The following DCLRE1C variants were observed in gnomAD, a reference collection of about 807,000 sequenced individuals.
The protein encoded by DCLRE1C is protein artemis.
Under a neutral mutation model 61.4 loss-of-function variants are expected in DCLRE1C, and 47 were observed. The ratio of observed to expected loss-of-function variants is 0.77; its 90% CI spans 0.61 to 0.98. The LOEUF is 0.98. Ranked by LOEUF, DCLRE1C falls within the 50% of genes least tolerant of loss-of-function variation. The probability of loss-of-function intolerance (pLI) is 0.00; values close to 1 mark genes in which losing one functional copy is unlikely to be tolerated. For missense variants in DCLRE1C, 858 were observed against 816.0 expected (o/e 1.05, Z -0.63); for synonymous variants, 337 against 287.6 (o/e 1.17, Z -1.74).
chr10:14,902,683 C>T (rs1221132918), downstream of DCLRE1C: 2 of 509,956 alleles, frequency 3.9e-6, no homozygotes, highest in Non-Finnish European at 7.0e-6. Context: ...AAGGGGGTCA[C>T]TGGGTCTCAT....
At chr10:14,898,695 C>T (rs7907802) in exon 14 of DCLRE1C, 40,063 of 152,086 alleles carry the variant, frequency 0.26, 7,321 homozygotes, top group African/African-American at 0.5. Context: ...TTTCTTAAGC[C>T]GAGCGTGTCA....
exon 14 of DCLRE1C, chr10:14,897,370 G>T: frequency 1.2e-6 from 2 of 1,613,140 alleles, no homozygotes; most frequent in Non-Finnish European, 1.7e-6. Context: ...CAAGGTGTCA[G>T]TGTGGTCCTG....
chr10:14,945,512 T>C (rs1291003554), intron 2 of DCLRE1C: 1 of 1,131,270 alleles, frequency 8.8e-7, no homozygotes, highest in African/African-American at 1.6e-5. Flanking sequence ...CCTCCAACAG[T>C]GGTCCCTCAC....
chr10:14,917,513 A>G (rs1836401896), intron 13 of DCLRE1C, among the ~76,000 whole-genome samples: 1 of 152,026 alleles, frequency 6.6e-6, no homozygotes, highest in African/African-American at 2.4e-5. Context: ...AAAAACTTGT[A>G]TCCAGAAACT....
chr10:14,935,013 G>A (rs562179620), intron 6 of DCLRE1C, among the ~76,000 whole-genome samples: 22 of 151,740 alleles, frequency 1.4e-4, no homozygotes, highest in South Asian at 1.3e-3. Context: ...TAGTAGAGAC[G>A]GGGTTTCACC....
At chr10:14,942,782 C>T (rs146929052) in intron 3 of DCLRE1C, among the ~76,000 whole-genome samples, 7,394 of 152,074 alleles carry the variant, frequency 0.049, 541 homozygotes, top group African/African-American at 0.17. Context: ...GCCTTTTTGT[C>T]AGCTTGCCCA....
intron 5 of DCLRE1C, among the ~76,000 whole-genome samples, chr10:14,935,955 C>T (rs1839835923): frequency 6.6e-6 from 1 of 152,214 alleles, no homozygotes; most frequent in South Asian, 2.1e-4. Context: ...GTCCCCCAGG[C>T]TGCAAGGCAG....
At position 14,927,318 on chromosome 10, in the gene DCLRE1C, G is replaced by C. The variant is rs565368498; in HGVS notation, c.918-421C>G. On this transcript the variant is annotated intron_variant, in intron 10 of 13. Coordinates refer to ENST00000378278, the MANE Select transcript of DCLRE1C (RefSeq NM_001033855.3). ...GGAGAATCACTTGAACCGGGAGGCAGAGGCTGCAGTGAGCTGAGATCACAC... is the reference window on the plus strand; with the variant it reads ...GGAGAATCACTTGAACCGGGAGGCACAGGCTGCAGTGAGCTGAGATCACAC... Among the ~76,000 whole-genome samples the C allele has an allele frequency of 9.3e-5, 14 of 151,042 alleles. No individual in the cohort carries two copies. The South Asian group carries it at 2.9e-3, about 32-fold the overall frequency.
rs534674683 is a variant in DCLRE1C at position 14,926,746 on chromosome 10, A to G, written c.972+97T>C. 11 of 959,560 alleles carry G rather than the reference A, an allele frequency of 1.1e-5. No homozygotes were observed. The Middle Eastern group carries it at 6.3e-4, about 55-fold the overall frequency. The allele number at this position is 959,560 out of a possible 1,614,324, so 59.4% of individuals were successfully genotyped here. On this transcript the variant is annotated intron_variant, in intron 11 of 13. Coordinates refer to ENST00000378278, the MANE Select transcript of DCLRE1C (RefSeq NM_001033855.3). ...TAAAAGGAAATGAAACTTACATAGA[A>G]ACAGAGATGCTTCTGAGAGTCAGGG...
In DCLRE1C at chr10:14,906,689, G is replaced by GC. The variant is rs1834423386; in HGVS notation, c.*1718_*1719insG. 6.6e-6 allele frequency among the ~76,000 whole-genome samples: 1 copy of GC among 152,110 alleles called. No homozygotes were observed. ...ATGCATATCAAGTGTTAGTTTAACT[G>GC]ATCTGCAAATTGTTTTAAGTGGTGT... On this transcript the variant is annotated 3_prime_UTR_variant, in exon 14 of 14. Coordinates refer to ENST00000378278, the MANE Select transcript of DCLRE1C (RefSeq NM_001033855.3).
intron 9 of DCLRE1C, among the ~76,000 whole-genome samples, chr10:14,930,371 G>A (rs575422384): frequency 6.9e-5 from 10 of 145,794 alleles, no homozygotes; most frequent in African/African-American, 1.8e-4. Context: ...AGACTCAAGC[G>A]ATCCACCTGC....
chr10:14,928,788 T>TG (rs1241017684), intron 9 of DCLRE1C, among the ~76,000 whole-genome samples: 4 of 135,418 alleles, frequency 3.0e-5, no homozygotes, highest in Non-Finnish European at 6.4e-5. Context: ...TGTATGGTGT[T>TG]TTTTTTTTTT....
In DCLRE1C at chr10:14,937,872, C is replaced by T. The variant is rs1271702068; in HGVS notation, c.307-1279G>A. Among the ~76,000 whole-genome samples, 21 of 129,452 alleles carry T rather than the reference C, an allele frequency of 1.6e-4. No individual in the cohort carries two copies. The East Asian group carries it at 2.1e-3, about 13-fold the overall frequency. The allele number at this position is 129,452 out of a possible 152,430, so 84.9% of individuals were successfully genotyped here. A position where few individuals can be genotyped will look rare whatever the true frequency, so the allele number is the denominator to read the frequency against. ...TCGCCCTACTGCACTCCAGCCTGGGCGACAGAGTAAGGCTCAGTCTCAAAA... is the reference window on the plus strand; with the variant it reads ...TCGCCCTACTGCACTCCAGCCTGGGTGACAGAGTAAGGCTCAGTCTCAAAA... On this transcript the variant is annotated intron_variant, in intron 4 of 13. Coordinates refer to ENST00000378278, the MANE Select transcript of DCLRE1C (RefSeq NM_001033855.3).
At chr10:14,923,164 C>G in intron 11 of DCLRE1C, 95 bp from the exon 12 acceptor site, 1 of 940,774 alleles carries the variant, frequency 1.1e-6, no homozygotes, top group Non-Finnish European at 1.7e-6. Context: ...AAGCAGAACT[C>G]TCTTATGGCT....
At chr10:14,933,091 T>A (rs1839298156) in intron 8 of DCLRE1C, 136 bp from the exon 9 acceptor site, 2 of 937,090 alleles carry the variant, frequency 2.1e-6, no homozygotes, top group Admixed American at 2.0e-5. Flanking sequence ...TTTTTGGCTA[T>A]TCAGTGCACT....
intron 13 of DCLRE1C, among the ~76,000 whole-genome samples, chr10:14,913,583 C>T (rs1033480080): frequency 1.3e-5 from 2 of 152,260 alleles, no homozygotes; most frequent in African/African-American, 2.4e-5. Flanking sequence ...AAGATGTATA[C>T]GGTCAGTCCT....
downstream of DCLRE1C, chr10:14,903,598 G>A (rs971566651): frequency 1.3e-5 from 2 of 152,092 alleles, no homozygotes; most frequent in African/African-American, 4.8e-5. Flanking sequence ...CAAAGTGTGT[G>A]CCTGAATTAT....
chr10:14,919,909 A>T (rs1458209406), intron 12 of DCLRE1C, 77 bp from the exon 13 acceptor site: 38 of 1,207,558 alleles, frequency 3.1e-5, no homozygotes, highest in Admixed American at 1.2e-4. Flanking sequence ...AGTATTACAA[A>T]TTTTTTTGAT....
At chr10:14,940,434 G>T (rs1436345785) in intron 3 of DCLRE1C, among the ~76,000 whole-genome samples, 1 of 151,974 alleles carries the variant, frequency 6.6e-6, no homozygotes, top group East Asian at 1.9e-4. Flanking sequence ...GATGACAGGC[G>T]CCCGCTACTA....
Sources: gnomAD v4.1 joint callset for allele counts (sites outside exome capture counted in the v4.1 genomes callset) on GRCh38, gnomAD v4.1.1 for gene constraint, MANE v1.5 for transcripts, NCBI Gene and HGNC (gene_info 2026-07-23, HGNC 2026-07-21) for gene names.